MAP3K10: variants seen among roughly 807,000 people sequenced by gnomAD.
MAP3K10 encodes mitogen-activated protein kinase kinase kinase 10.
Under a neutral mutation model 75.0 loss-of-function variants are expected in MAP3K10, and 22 were observed. The ratio of observed to expected loss-of-function variants is 0.29; its 90% CI spans 0.21 to 0.42. The LOEUF (loss-of-function observed/expected upper bound fraction) is 0.42, where lower values mean the gene tolerates loss of function less well. Among genes scored for constraint, MAP3K10 ranks in the 10% least tolerant of loss-of-function variants. The pLI is 1.00. For missense variants in MAP3K10, 1,165 were observed against 1,379.8 expected (o/e 0.84, Z 2.47); for synonymous variants, 599 against 612.9 (o/e 0.98, Z 0.34).
chr19:40,192,563 C>T lies in MAP3K10; in HGVS notation c.532C>T (p.Arg178Trp). The change falls in exon 1 of 10, where the codon CGG becomes TGG. Residue 178 changes from arginine (R) to tryptophan (W), a missense_variant. Transcript: ENST00000253055. The surrounding 1 kb of genome is among the most constrained non-coding windows in gnomAD (Gnocchi z 7.1). ...PHLCLVMEYA[R>W]GGALSRVLAG... ...CCTCTGCCTAGTGATGGAGTATGCC[C>T]GGGGTGGTGCACTGAGCAGGGTGCT... The T allele has an allele frequency of 1.2e-6, 2 of 1,613,390 alleles. No homozygotes were observed. Among genetic ancestry groups the T allele is most frequent in the South Asian group, 1.1e-5 (1 of 91,038 alleles).
rs780965991 is a variant in MAP3K10, at chr19:40,213,967, G to C, written c.2288G>C (p.Arg763Pro). 3 of 1,535,214 alleles carry C rather than the reference G, an allele frequency of 2.0e-6. No homozygotes were observed. Among genetic ancestry groups the C allele is most frequent in the Non-Finnish European group, 2.6e-6 (3 of 1,148,052 alleles). The part of the protein sequence containing the change: ...SDCNSTRSLL[R>P]SDSDEAAPAA... ...TGCAACTCCACGCGTTCACTGCTGC[G>C]CTCTGACAGTGACGAGGCCGCACCG... The change falls in exon 9 of 10, where the codon CGC becomes CCC. Residue 763 changes from arginine to proline, a missense_variant. Transcript: ENST00000253055. The surrounding 1 kb of genome is among the most constrained non-coding windows in gnomAD (Gnocchi z 5.7).
In MAP3K10 at chr19:40,206,161, C is replaced by T. The variant is rs775660074; in HGVS notation, c.1435+4C>T. On this transcript the variant is annotated splice_donor_region_variant and intron_variant, in intron 5 of 9. Transcript: ENST00000253055. ...AGCCACATCAGCCTGCCCTCTGGTA[C>T]CCACCCGTGTCCCCAGAGCGCCCCC... 5 of 1,595,138 alleles carry T rather than the reference C, an allele frequency of 3.1e-6. No homozygotes were observed. Among genetic ancestry groups the T allele is most frequent in the African/African-American group, 1.3e-5 (1 of 74,572 alleles).
rs1349182300 is a variant in MAP3K10 at position 40,192,296 on chromosome 19, C to T, written c.265C>T (p.Leu89=). The T allele has an allele frequency of 1.3e-6, 2 of 1,595,980 alleles. No individual in the cohort carries two copies. The highest frequency in any genetic ancestry group is 1.7e-5 in the Admixed American group (1 of 57,484). ...CCCCGCTGCACCCGCGGGCCTCCAG[C>T]TGCCCCAGGAGATCCCCTTCCACGA... The part of the protein sequence containing the change: ...GAPAAPAGLQ[L]PQEIPFHELQ... The change falls in exon 1 of 10, where the codon CTG becomes TTG. Residue 89 remains leucine, a synonymous_variant. Coordinates refer to ENST00000253055, the MANE Select transcript of MAP3K10 (RefSeq NM_002446.4). The surrounding 1 kb of genome is among the most constrained non-coding windows in gnomAD (Gnocchi z 7.1).
chr19:40,194,501 C>A (rs117002090), intron 1 of MAP3K10, among the ~76,000 whole-genome samples: 33 of 152,286 alleles, frequency 2.2e-4, no homozygotes, highest in Non-Finnish European at 4.3e-4. Flanking sequence ...GGCTGGGACT[C>A]CTCAGCCCTT....
At position 40,214,082 on chromosome 19, in the gene MAP3K10, C is replaced by A; in HGVS notation, c.2403C>A (p.Ser801Arg). ...CCCTGGTGGACCTGGAGCTGGAGAG[C>A]TTCAAGAAGGACCCCCGCCAGTCGC... ...TNPLVDLELE[S>R]FKKDPRQSLT... is the part of the protein sequence containing the mutation. Residue 801 changes from serine to arginine, a missense_variant, in exon 9 of 10, where the codon AGC becomes AGA. Physicochemically the swap from Ser to Arg is moderately radical, Grantham distance 110 (BLOSUM62 -1). Coordinates refer to ENST00000253055, the MANE Select transcript of MAP3K10 (RefSeq NM_002446.4). 1 of 1,546,164 alleles carries A rather than the reference C, an allele frequency of 6.5e-7. No individual in the cohort carries two copies. The highest frequency in any genetic ancestry group is 1.2e-5 in the South Asian group (1 of 85,462).
At chr19:40,200,274 G>T (rs886543313) in intron 2 of MAP3K10, among the ~76,000 whole-genome samples, 2 of 152,192 alleles carry the variant, frequency 1.3e-5, no homozygotes, top group African/African-American at 2.4e-5. Flanking sequence ...GGGTGACAGA[G>T]CAAGACTCCA....
rs963181824 is a variant in MAP3K10, at chr19:40,212,682, G to A, written c.1553-123G>A. The A allele has an allele frequency of 6.5e-6, 8 of 1,227,370 alleles. No homozygotes were observed. The Admixed American group carries it at 1.2e-4, about 18-fold the overall frequency. 76.0% of individuals were successfully genotyped at this position (1,227,370 alleles called of 1,614,324 possible). On this transcript the variant is annotated intron_variant, in intron 6 of 9. Transcript: ENST00000253055. The surrounding 1 kb of genome is among the most constrained non-coding windows in gnomAD (Gnocchi z 4.2). ...ATATATAGCAGGGAGGGTCATGACT[G>A]GAGTTCAAAAGAGCCCTTGGACTCC...
At position 40,205,697 on chromosome 19, in the gene MAP3K10, AAG is replaced by A. The variant is rs1973107262; in HGVS notation, c.1189-212_1189-211del. On this transcript the variant is annotated intron_variant, in intron 4 of 9. Coordinates refer to ENST00000253055, the MANE Select transcript of MAP3K10 (RefSeq NM_002446.4). The surrounding 1 kb of genome is among the most constrained non-coding windows in gnomAD (Gnocchi z 4.3). Reference sequence around the variant, plus strand: ...CTAAATTGAAGAGTTAAGAAAGAAAAAGAAAGAAAAAGCACCCCTTTCTTTGA... The same window carrying A: ...CTAAATTGAAGAGTTAAGAAAGAAAAAAAGAAAAAGCACCCCTTTCTTTGA... 1 of 540,646 alleles carries A rather than the reference AAG, an allele frequency of 1.8e-6. No individual in the cohort carries two copies. Among genetic ancestry groups the A allele is most frequent in the African/African-American group, 1.9e-5 (1 of 52,124 alleles). The allele number at this position is 540,646 out of a possible 1,614,324, so 33.5% of individuals were successfully genotyped here. A position where few individuals can be genotyped will look rare whatever the true frequency, so the allele number is the denominator to read the frequency against.
chr19:40,207,719 G>C (rs1402784535), intron 5 of MAP3K10, among the ~76,000 whole-genome samples: 1 of 152,072 alleles, frequency 6.6e-6, no homozygotes, highest in Non-Finnish European at 1.5e-5. Flanking sequence ...TGGGCGACAA[G>C]AGCAAAACTC....
rs771212770 is a variant in MAP3K10 at position 40,204,468 on chromosome 19, C to T, written c.864-17C>T. 1.2e-6 allele frequency: 2 copies of T among 1,608,602 alleles called. No individual in the cohort carries two copies. Among genetic ancestry groups the T allele is most frequent in the South Asian group, 1.1e-5 (1 of 90,848 alleles). On this transcript the variant is annotated splice_polypyrimidine_tract_variant and intron_variant, in intron 2 of 9. Transcript: ENST00000253055. The surrounding 1 kb of genome is among the most constrained non-coding windows in gnomAD (Gnocchi z 4.3). ...GGGTGGGCTGCGACATCACCCCTCC[C>T]TCTCCCCTGCCTGCAGCTTCGGGGT... is the stretch of plus-strand genomic sequence containing the variant.
Position 40,205,737 on chromosome 19 carries a change from C to T in MAP3K10, c.1189-174C>T. On this transcript the variant is annotated intron_variant, in intron 4 of 9. Coordinates refer to ENST00000253055, the MANE Select transcript of MAP3K10 (RefSeq NM_002446.4). This position sits in a 1 kb window ranked among gnomAD's most constrained non-coding sequence, Gnocchi z 4.3. Reference sequence around the variant, plus strand: ...CCCCTTTCTTTGAGCTAACACAGTTCCCTGCCCTGGCACCCAGCTTGGCTA... The same window carrying T: ...CCCCTTTCTTTGAGCTAACACAGTTTCCTGCCCTGGCACCCAGCTTGGCTA... 1 of 641,428 alleles carries T rather than the reference C, an allele frequency of 1.6e-6. No individual in the cohort carries two copies. Among genetic ancestry groups the T allele is most frequent in the Non-Finnish European group, 2.6e-6 (1 of 388,870 alleles). 39.7% of individuals were successfully genotyped at this position (641,428 alleles called of 1,614,324 possible).
In MAP3K10 at chr19:40,205,743, C is replaced by T; in HGVS notation, c.1189-168C>T. ...TCTTTGAGCTAACACAGTTCCCTGC[C>T]CTGGCACCCAGCTTGGCTAGCAAAG... is the stretch of plus-strand genomic sequence containing the variant. On this transcript the variant is annotated intron_variant, in intron 4 of 9. Coordinates refer to ENST00000253055, the MANE Select transcript of MAP3K10 (RefSeq NM_002446.4). The surrounding 1 kb of genome is among the most constrained non-coding windows in gnomAD (Gnocchi z 4.3). 1 of 670,434 alleles carries T rather than the reference C, an allele frequency of 1.5e-6. No individual in the cohort carries two copies. The highest frequency in any genetic ancestry group is 2.4e-6 in the Non-Finnish European group (1 of 415,528). 41.5% of individuals were successfully genotyped at this position (670,434 alleles called of 1,614,324 possible).
chr19:40,196,957 G>A (rs1467325883), intron 1 of MAP3K10, among the ~76,000 whole-genome samples: 1 of 152,136 alleles, frequency 6.6e-6, no homozygotes, highest in Non-Finnish European at 1.5e-5. Context: ...TAGAAAGTAA[G>A]CTAGAACCAT....
Position 40,205,186 on chromosome 19 carries a change from A to G in MAP3K10, c.1078A>G (p.Ile360Val), listed in dbSNP as rs1396337544. The G allele has an allele frequency of 6.2e-7, 1 of 1,614,106 alleles. No homozygotes were observed. The highest frequency in any genetic ancestry group is 8.5e-7 in the Non-Finnish European group (1 of 1,180,032). ...FGSILKRLEV[I>V]EQSALFQMPL... The stretch of plus-strand genomic sequence containing the variant: ...TAGCATCTTGAAGCGGCTTGAAGTC[A>G]TCGAACAGTCAGCCCTGTTCCAGAT... The change falls in exon 4 of 10, where the codon ATC (isoleucine) becomes GTC (valine). Residue 360 changes from isoleucine to valine, a missense_variant. By Grantham distance (29) the Ile-to-Val change is conservative. Around this residue, in one of 2 missense-constraint regions of MAP3K10, gnomAD observed 575 missense variants for 793.2 expected, o/e 0.72. Coordinates refer to ENST00000253055, the MANE Select transcript of MAP3K10 (RefSeq NM_002446.4). This position sits in a 1 kb window ranked among gnomAD's most constrained non-coding sequence, Gnocchi z 4.3.
intron 2 of MAP3K10, among the ~76,000 whole-genome samples, chr19:40,202,833 C>G (rs187524924): frequency 6.6e-6 from 1 of 152,096 alleles, no homozygotes; most frequent in Admixed American, 6.6e-5. Flanking sequence ...TACTACACCC[C>G]CTCCTACATC....
At chr19:40,202,251 A>T (rs533358529) in intron 2 of MAP3K10, among the ~76,000 whole-genome samples, 1 of 152,092 alleles carries the variant, frequency 6.6e-6, no homozygotes. Flanking sequence ...CGTGCTAGCC[A>T]GGATGGTCTC....
rs144544839 is a variant in MAP3K10, at chr19:40,212,712, C to A, written c.1553-93C>A. ...TCAAAAGAGCCCTTGGACTCCCAGG[C>A]GGAGGGTGGGCCTGAGCTGGGGGCA... is the stretch of plus-strand genomic sequence containing the variant. On this transcript the variant is annotated intron_variant, in intron 6 of 9. Transcript: ENST00000253055. The surrounding 1 kb of genome is among the most constrained non-coding windows in gnomAD (Gnocchi z 4.2). 6 of 1,494,946 alleles carry A rather than the reference C, an allele frequency of 4.0e-6. No homozygotes were observed. In the South Asian group the frequency reaches 6.4e-5, roughly 16 times the overall value. 92.6% of individuals were successfully genotyped at this position (1,494,946 alleles called of 1,614,324 possible). A position where few individuals can be genotyped will look rare whatever the true frequency, so the allele number is the denominator to read the frequency against.
intron 5 of MAP3K10, among the ~76,000 whole-genome samples, chr19:40,208,363 T>TTTTTTTTA (rs1555756664): frequency 2.2e-4 from 25 of 111,920 alleles, no homozygotes; most frequent in African/African-American, 8.7e-4. Context: ...TTTTTTTTTT[T>TTTTTTTTA]TTTTTTGTAT....
intron 2 of MAP3K10, among the ~76,000 whole-genome samples, chr19:40,200,898 C>T (rs868216634): frequency 6.6e-6 from 1 of 151,982 alleles, no homozygotes; most frequent in Non-Finnish European, 1.5e-5. Context: ...GCATGAGTCA[C>T]TGCACCCGGC....
Sources: gnomAD v4.1 joint callset for allele counts (sites outside exome capture counted in the v4.1 genomes callset) on GRCh38, gnomAD v4.1.1 for gene constraint, gnomAD v4.1.1 regional missense constraint, Gnocchi (gnomAD v3.1) non-coding constraint, MANE v1.5 for transcripts, NCBI Gene and HGNC (gene_info 2026-07-23, HGNC 2026-07-21) for gene names.